ZNF627: variants seen among roughly 807,000 people sequenced by gnomAD.
ZNF627 encodes zinc finger protein 627.
ZNF627 carries 12 observed loss-of-function variants against 10.6 expected under a neutral mutation model. The ratio of observed to expected loss-of-function variants is 1.13; its 90% CI spans 0.73 to 1.84. The LOEUF (loss-of-function observed/expected upper bound fraction) is 1.84, where lower values mean the gene tolerates loss of function less well. Among genes scored for constraint, ZNF627 ranks in the 40% most tolerant of loss-of-function variants. The pLI, the probability that ZNF627 is intolerant of heterozygous loss-of-function variation, is 0.00. For missense variants in ZNF627, 504 were observed against 568.4 expected, an observed-to-expected ratio of 0.89 and a Z score of 1.15; for synonymous variants, 176 against 187.1, an observed-to-expected ratio of 0.94 and a Z score of 0.48.
chr19:11,618,780 T>A lies in ZNF627; in HGVS notation c.*891T>A, dbSNP rs1973923108. ...TTTCAGTTGTTTGATTATATGTGAC[T>A]AATATGTATTTTTTATTCAAACAAG... On this transcript the variant is annotated 3_prime_UTR_variant, in exon 4 of 4. Coordinates refer to ENST00000361113, the MANE Select transcript of ZNF627 (RefSeq NM_145295.4). 2.0e-5 allele frequency: 3 copies of A among 152,294 alleles called. No homozygotes were observed. Among genetic ancestry groups the A allele is most frequent in the Non-Finnish European group, 4.4e-5 (3 of 68,052 alleles). The allele number at this position is 152,294 out of a possible 1,614,324, so 9.4% of individuals were successfully genotyped here. A position where few individuals can be genotyped will look rare whatever the true frequency, so the allele number is the denominator to read the frequency against.
chr19:11,606,689 C>T (rs978710267), intron 1 of ZNF627, among the ~76,000 whole-genome samples: 3 of 152,236 alleles, frequency 2.0e-5, no homozygotes, highest in Non-Finnish European at 2.9e-5. Flanking sequence ...CATGAGGGCT[C>T]CGCCCCTGTA....
chr19:11,601,797 G>A (rs988238872), intron 1 of ZNF627, among the ~76,000 whole-genome samples: 1 of 151,800 alleles, frequency 6.6e-6, no homozygotes, highest in East Asian at 1.9e-4. Context: ...CACAATGTTA[G>A]GAGTTTGAGA....
At chr19:11,612,355 C>T (rs1414945324) in intron 1 of ZNF627, among the ~76,000 whole-genome samples, 4 of 149,784 alleles carry the variant, frequency 2.7e-5, no homozygotes, top group Non-Finnish European at 5.9e-5. Context: ...CTCCTGACCT[C>T]GTGATCCGCC....
chr19:11,611,096 G>A (rs930958408), intron 1 of ZNF627, among the ~76,000 whole-genome samples: 5 of 152,096 alleles, frequency 3.3e-5, no homozygotes, highest in African/African-American at 1.2e-4. Flanking sequence ...CAAGTGATCT[G>A]TCCGCCATGG....
rs191806897 is a variant in ZNF627, at chr19:11,604,323, C to G, written c.3+6693C>G. 166 of 152,304 alleles carry G rather than the reference C, an allele frequency of 1.1e-3. 1 individual carries two copies. The highest frequency in any genetic ancestry group is 3.9e-3 in the African/African-American group (163 of 41,564). The allele number at this position is 152,304 out of a possible 1,614,324, so 9.4% of individuals were successfully genotyped here. ...CTGAGTCTCAGTCCCCTCCATCACA[C>G]TCCATCAGGGTGGGGGCTGAATTGG... On this transcript the variant is annotated intron_variant, in intron 1 of 3. Transcript: ENST00000361113.
chr19:11,606,365 C>A (rs1599656904), intron 1 of ZNF627, among the ~76,000 whole-genome samples: 1 of 151,824 alleles, frequency 6.6e-6, no homozygotes, highest in African/African-American at 2.4e-5. Context: ...AAAAAAGAAT[C>A]TCCTTTGACT....
intron 1 of ZNF627, among the ~76,000 whole-genome samples, chr19:11,605,243 T>C (rs1973654891): frequency 6.6e-6 from 1 of 151,814 alleles, no homozygotes. Context: ...CCACCAGGCC[T>C]GACTAATTTT....
At chr19:11,600,300 C>T (rs541293546) in intron 1 of ZNF627, among the ~76,000 whole-genome samples, 80 of 151,902 alleles carry the variant, frequency 5.3e-4, no homozygotes, top group African/African-American at 1.8e-3. Flanking sequence ...ATTAGCTGGG[C>T]ATGGTGGCGG....
intron 1 of ZNF627, among the ~76,000 whole-genome samples, chr19:11,602,962 G>A (rs1017166245): frequency 3.9e-5 from 6 of 152,134 alleles, no homozygotes; most frequent in African/African-American, 7.2e-5. Context: ...CTTGTCTCCC[G>A]TCTGTACCCA....
chr19:11,599,563 G>A (rs1973549262), intron 1 of ZNF627, among the ~76,000 whole-genome samples: 1 of 152,164 alleles, frequency 6.6e-6, no homozygotes, highest in Non-Finnish European at 1.5e-5. Context: ...TGGTCACTGA[G>A]CCCTTCAGTG....
In ZNF627 at chr19:11,617,021, G is replaced by A; in HGVS notation, c.518G>A (p.Gly173Glu). Residue 173 changes from glycine (G) to glutamate (E), a missense_variant, in exon 4 of 4, where the codon GGA becomes GAA. Transcript: ENST00000361113. ...AAGCCCTATGATTGTAAGGAATGTG[G>A]AGAAACCTTTATTTCTCTTGTAAGC... ...GGKPYDCKEC[G>E]ETFISLVSIR... 6.2e-7 allele frequency: 1 copy of A among 1,614,080 alleles called. No individual in the cohort carries two copies. Among genetic ancestry groups the A allele is most frequent in the African/African-American group, 1.3e-5 (1 of 75,052 alleles).
chr19:11,611,693 G>A (rs765499320), intron 1 of ZNF627, among the ~76,000 whole-genome samples: 4 of 152,176 alleles, frequency 2.6e-5, no homozygotes, highest in Non-Finnish European at 5.9e-5. Flanking sequence ...CCCGCTGGGC[G>A]TGACAGAAGG....
At chr19:11,605,080 CTTT>C (rs1006143184) in intron 1 of ZNF627, among the ~76,000 whole-genome samples, 1 of 105,904 alleles carries the variant, frequency 9.4e-6, no homozygotes. Context: ...TTCTTTCTTT[CTTT>C]TTTTTTTTTT....
intron 1 of ZNF627, among the ~76,000 whole-genome samples, chr19:11,602,321 T>A (rs1973600217): frequency 6.6e-6 from 1 of 152,136 alleles, no homozygotes; most frequent in Non-Finnish European, 1.5e-5. Flanking sequence ...GCTAATCAAT[T>A]GTGAGGAAAA....
chr19:11,599,354 T>C (rs571477748), intron 1 of ZNF627, among the ~76,000 whole-genome samples: 1 of 152,280 alleles, frequency 6.6e-6, no homozygotes, highest in African/African-American at 2.4e-5. Flanking sequence ...GGGGGACACA[T>C]TGGTGTCCAG....
chr19:11,601,044 C>T (rs777336417), intron 1 of ZNF627, among the ~76,000 whole-genome samples: 2 of 152,144 alleles, frequency 1.3e-5, no homozygotes, highest in Non-Finnish European at 2.9e-5. Flanking sequence ...AGACAGCAGA[C>T]TAGTGACTTG....
chr19:11,606,818 G>A (rs970344025), intron 1 of ZNF627, among the ~76,000 whole-genome samples: 1 of 152,236 alleles, frequency 6.6e-6, no homozygotes, highest in South Asian at 2.1e-4. Flanking sequence ...CATGGCAGCT[G>A]CTGTGGCTTG....
At chr19:11,613,371 C>T (rs988519728) in intron 1 of ZNF627, among the ~76,000 whole-genome samples, 1 of 149,646 alleles carries the variant, frequency 6.7e-6, no homozygotes, top group Non-Finnish European at 1.5e-5. Context: ...TACTCTTACC[C>T]TCTTCCTGCC....
At chr19:11,611,648 G>A (rs1295988094) in intron 1 of ZNF627, among the ~76,000 whole-genome samples, 1 of 152,114 alleles carries the variant, frequency 6.6e-6, no homozygotes, top group Non-Finnish European at 1.5e-5. Context: ...CATGAATTGG[G>A]GTACCATCCC....
Sources: allele counts gnomAD v4.1 joint callset (sites outside exome capture counted in the v4.1 genomes callset), GRCh38; gene constraint gnomAD v4.1.1; transcripts MANE v1.5; gene names NCBI Gene and HGNC (gene_info 2026-07-23, HGNC 2026-07-21).